MSH3: variants seen among roughly 807,000 people sequenced by gnomAD.
MSH3 encodes the protein DNA mismatch repair protein Msh3.
Under a neutral mutation model 123.3 loss-of-function variants are expected in MSH3, and 106 were observed. The ratio of observed to expected loss-of-function variants is 0.86; its 90% CI spans 0.73 to 1.01. The LOEUF is 1.01. Ranked by LOEUF, MSH3 falls within the 50% of genes least tolerant of loss-of-function variation. The probability of loss-of-function intolerance (pLI) is 0.00; values close to 1 mark genes in which losing one functional copy is unlikely to be tolerated. For missense variants in MSH3, 1,459 were observed against 1,347.6 expected (o/e 1.08, Z -1.29); for synonymous variants, 515 against 481.4 (o/e 1.07, Z -0.91).
chr5:80,840,829 G>T (rs1181402570), intron 20 of MSH3, among the ~76,000 whole-genome samples: 1 of 151,432 alleles, frequency 6.6e-6, no homozygotes, highest in African/African-American at 2.4e-5. Flanking sequence ...CCACCTATGA[G>T]TGAGAACATG....
At chr5:80,677,868 C>T (rs1412136666) in intron 7 of MSH3, among the ~76,000 whole-genome samples, 2 of 152,182 alleles carry the variant, frequency 1.3e-5, no homozygotes, top group African/African-American at 2.4e-5. Flanking sequence ...TTATGATCTA[C>T]AGTTTATTCA....
At chr5:80,821,793 G>A (rs1342408553) in intron 20 of MSH3, among the ~76,000 whole-genome samples, 2 of 152,216 alleles carry the variant, frequency 1.3e-5, no homozygotes, top group African/African-American at 4.8e-5. Context: ...ACAACCTGGA[G>A]GGATAAGTTA....
intron 20 of MSH3, among the ~76,000 whole-genome samples, chr5:80,838,887 T>C (rs2112087990): frequency 6.6e-6 from 1 of 152,340 alleles, no homozygotes; most frequent in East Asian, 1.9e-4. Flanking sequence ...ATTTTTTCAC[T>C]CAATCTTGTA....
In MSH3 at chr5:80,676,779, CTTTAACATATG is replaced by C. The variant is rs375733838; in HGVS notation, c.1173+1653_1173+1663del. On this transcript the variant is annotated intron_variant, in intron 7 of 23. Transcript: ENST00000265081. ...AATAGTAAAGTTATTTACTTTTAAG[CTTTAACATATG>C]TAATGTGCTATTTTATATTTACCTA... 7.2e-5 allele frequency among the ~76,000 whole-genome samples: 11 copies of C among 152,276 alleles called. 1 individual carries two copies. Among genetic ancestry groups the C allele is most frequent in the African/African-American group, 2.6e-4 (11 of 41,552 alleles).
chr5:80,669,902 A>G (rs1371927781), intron 3 of MSH3, among the ~76,000 whole-genome samples, 195 bp from the exon 4 acceptor site: 1 of 152,194 alleles, frequency 6.6e-6, no homozygotes, highest in Non-Finnish European at 1.5e-5. Context: ...CTTGGTTCAT[A>G]ATTTTTTTTA....
intron 18 of MSH3, 146 bp downstream of exon 18, chr5:80,787,818 T>C (rs1028403278): frequency 3.2e-6 from 2 of 627,178 alleles, no homozygotes; most frequent in East Asian, 5.9e-5. Flanking sequence ...ATATGTAGCT[T>C]GATTTGAAAA....
chr5:80,668,378 C>G (rs1313243454), intron 3 of MSH3, among the ~76,000 whole-genome samples: 3 of 152,130 alleles, frequency 2.0e-5, no homozygotes, highest in African/African-American at 7.2e-5. Flanking sequence ...TGCTCAGGAG[C>G]CTGTCTGCCT....
chr5:80,728,797 A>G (rs1221876425), intron 9 of MSH3, 54 bp from the exon 10 acceptor site: 2 of 960,664 alleles, frequency 2.1e-6, no homozygotes, highest in East Asian at 5.1e-5. Context: ...ACATTTTTTA[A>G]TTTGATTAAT....
chr5:80,736,912 C>T (rs921981096), intron 10 of MSH3, among the ~76,000 whole-genome samples: 1 of 152,184 alleles, frequency 6.6e-6, no homozygotes, highest in African/African-American at 2.4e-5. Flanking sequence ...GCTTTGCATT[C>T]TTTCACTGTA....
chr5:80,796,937 T>C (rs1744709640), intron 19 of MSH3, among the ~76,000 whole-genome samples: 1 of 152,128 alleles, frequency 6.6e-6, no homozygotes, highest in East Asian at 1.9e-4. Flanking sequence ...TTTGAATTCA[T>C]ACTTCACACT....
chr5:80,737,391 A>G (rs1322329948), intron 10 of MSH3, among the ~76,000 whole-genome samples: 1 of 152,156 alleles, frequency 6.6e-6, no homozygotes, highest in Non-Finnish European at 1.5e-5. Context: ...AGCTTTTGAC[A>G]AAGATGTTTC....
intron 10 of MSH3, among the ~76,000 whole-genome samples, chr5:80,731,719 A>T (rs985853896): frequency 6.6e-6 from 1 of 152,204 alleles, no homozygotes; most frequent in South Asian, 2.1e-4. Flanking sequence ...AGATCATTCT[A>T]AAAGAGTAAT....
chr5:80,834,378 A>G (rs1745472910), intron 20 of MSH3, among the ~76,000 whole-genome samples: 1 of 150,238 alleles, frequency 6.7e-6, no homozygotes, highest in Non-Finnish European at 1.5e-5. Flanking sequence ...ATATTTAAAA[A>G]GTTCTACAAA....
chr5:80,683,590 T>C (rs1750018499), intron 8 of MSH3, among the ~76,000 whole-genome samples: 1 of 152,216 alleles, frequency 6.6e-6, no homozygotes, highest in Non-Finnish European at 1.5e-5. Flanking sequence ...TCCTTATATA[T>C]TGTGGTTATT....
intron 2 of MSH3, among the ~76,000 whole-genome samples, chr5:80,660,964 A>G (rs972520427): frequency 1.2e-4 from 18 of 151,924 alleles, no homozygotes; most frequent in African/African-American, 4.4e-4. Flanking sequence ...ACGCCTGGTT[A>G]ATTTTTGTAT....
At chr5:80,763,590 T>C (rs1744078295) in intron 13 of MSH3, among the ~76,000 whole-genome samples, 2 of 152,230 alleles carry the variant, frequency 1.3e-5, no homozygotes, top group African/African-American at 2.4e-5. Flanking sequence ...TCCAGGCACC[T>C]TGCCTTAACT....
chr5:80,830,977 A>G (rs919402021), intron 20 of MSH3, among the ~76,000 whole-genome samples: 1 of 152,218 alleles, frequency 6.6e-6, no homozygotes, highest in Non-Finnish European at 1.5e-5. Context: ...AGGAAGGATT[A>G]TATGAGAGAA....
chr5:80,766,734 T>C lies in MSH3; in HGVS notation c.1897-1199T>C, dbSNP rs1032999258. Among the ~76,000 whole-genome samples the C allele has an allele frequency of 5.9e-5, 9 of 152,118 alleles. No individual in the cohort carries two copies. The South Asian group carries it at 8.3e-4, about 14-fold the overall frequency. On this transcript the variant is annotated intron_variant, in intron 13 of 23. Transcript: ENST00000265081. The stretch of plus-strand genomic sequence containing the variant: ...GTTTAACTCACTGTTTACCAGAAGC[T>C]ATGATATAAAAATTATTCATGTTCA...
intron 21 of MSH3, among the ~76,000 whole-genome samples, chr5:80,860,611 T>C (rs924762072): frequency 5.1e-4 from 77 of 152,066 alleles, no homozygotes; most frequent in African/African-American, 1.8e-3. Context: ...TCTTTGGTTT[T>C]CTGTAGTTTG....
Sources: allele counts gnomAD v4.1 joint callset (sites outside exome capture counted in the v4.1 genomes callset), GRCh38; gene constraint gnomAD v4.1.1; transcripts MANE v1.5; gene names NCBI Gene and HGNC (gene_info 2026-07-23, HGNC 2026-07-21).